OR3A2: variants seen among roughly 807,000 people sequenced by gnomAD.
The protein encoded by OR3A2 is olfactory receptor family 3 subfamily A member 2.
For synonymous variants in OR3A2, 126 were observed against 159.3 expected (o/e 0.79, Z 1.57); for missense variants, 318 against 392.8 (o/e 0.81, Z 1.61).
intron 2 of OR3A2, among the ~76,000 whole-genome samples, chr17:3,341,169 T>A (rs1188985700): frequency 2.0e-5 from 3 of 152,220 alleles, no homozygotes; most frequent in Admixed American, 6.5e-5. Context: ...TCTCTGCCCA[T>A]GAGATGGGTC....
intron 3 of OR3A2, among the ~76,000 whole-genome samples, chr17:3,299,563 G>A (rs1475635652): frequency 2.0e-5 from 3 of 152,138 alleles, no homozygotes; most frequent in Non-Finnish European, 4.4e-5. Context: ...GTTAATGAAC[G>A]GCGAATGTGG....
intron 2 of OR3A2, among the ~76,000 whole-genome samples, chr17:3,371,043 G>A (rs1342157372): frequency 3.9e-5 from 6 of 151,902 alleles, no homozygotes; most frequent in Non-Finnish European, 5.9e-5. Context: ...GCAACCATCC[G>A]ATTTCTCAAT....
upstream of OR3A2, among the ~76,000 whole-genome samples, chr17:3,286,798 C>G (rs2048817231): frequency 6.6e-6 from 1 of 152,052 alleles, no homozygotes. Flanking sequence ...TGTTTAAGTT[C>G]TTTGTAGATT....
At chr17:3,349,633 A>G (rs2049401859) in intron 2 of OR3A2, among the ~76,000 whole-genome samples, 1 of 152,030 alleles carries the variant, frequency 6.6e-6, no homozygotes, top group Admixed American at 6.6e-5. Flanking sequence ...CGAGACAGAA[A>G]GTCAACAAGG....
chr17:3,315,123 T>C (rs1838759032), intron 3 of OR3A2, among the ~76,000 whole-genome samples: 1 of 152,236 alleles, frequency 6.6e-6, no homozygotes, highest in South Asian at 2.1e-4. Context: ...GTCTTTGCTA[T>C]TGTGAATAGC....
intron 1 of OR3A2, chr17:3,383,928 A>G: frequency 7.1e-6 from 1 of 141,458 alleles, no homozygotes. Context: ...TATTGAATAA[A>G]TATTGTATAC....
chr17:3,375,916 T>A (rs1002135862), intron 2 of OR3A2, among the ~76,000 whole-genome samples: 14 of 152,188 alleles, frequency 9.2e-5, no homozygotes, highest in Admixed American at 7.2e-4. Context: ...GGGCTGGTGC[T>A]GGGGAATGTC....
At chr17:3,290,219 T>C (rs1163278805) in intron 3 of OR3A2, among the ~76,000 whole-genome samples, 3 of 152,168 alleles carry the variant, frequency 2.0e-5, no homozygotes, top group South Asian at 4.1e-4. Context: ...CTGGAAAACA[T>C]AGAATGGGAA....
chr17:3,363,370 T>C (rs1284646931), intron 2 of OR3A2, among the ~76,000 whole-genome samples: 2 of 151,902 alleles, frequency 1.3e-5, no homozygotes, highest in East Asian at 1.9e-4. Flanking sequence ...TTCCACAGAT[T>C]TCTAGGGCAG....
downstream of OR3A2, among the ~76,000 whole-genome samples, chr17:3,276,126 A>G (rs981169269): frequency 6.7e-6 from 1 of 148,326 alleles, no homozygotes; most frequent in Non-Finnish European, 1.5e-5. Flanking sequence ...GAAAAAAAAA[A>G]GAATATTCAT....
chr17:3,344,244 C>T (rs1354372091), intron 2 of OR3A2, among the ~76,000 whole-genome samples: 1 of 152,098 alleles, frequency 6.6e-6, no homozygotes, highest in Non-Finnish European at 1.5e-5. Flanking sequence ...AGCTAAAAAG[C>T]CTGCTTCCAC....
intron 3 of OR3A2, among the ~76,000 whole-genome samples, chr17:3,313,757 C>A (rs190576275): frequency 6.6e-6 from 1 of 152,344 alleles, no homozygotes; most frequent in East Asian, 1.9e-4. Context: ...CCTCCAGCTT[C>A]TTTTATTCTT....
chr17:3,295,570 A>G (rs186620697), intron 3 of OR3A2, among the ~76,000 whole-genome samples: 1 of 152,240 alleles, frequency 6.6e-6, no homozygotes, highest in East Asian at 1.9e-4. Flanking sequence ...ATAACATAAC[A>G]GAACAAAATT....
At chr17:3,299,888 G>T (rs1325022590) in intron 3 of OR3A2, among the ~76,000 whole-genome samples, 1 of 152,104 alleles carries the variant, frequency 6.6e-6, no homozygotes, top group Non-Finnish European at 1.5e-5. Flanking sequence ...CTTGGTAGGG[G>T]ATCAACAAAT....
At chr17:3,342,636 G>C (rs972558542) in intron 2 of OR3A2, among the ~76,000 whole-genome samples, 1 of 152,148 alleles carries the variant, frequency 6.6e-6, no homozygotes, top group Non-Finnish European at 1.5e-5. Flanking sequence ...ATTGCTGCCC[G>C]ATCCTTCCTC....
chr17:3,352,115 T>G (rs985409470), intron 2 of OR3A2, among the ~76,000 whole-genome samples: 2 of 152,020 alleles, frequency 1.3e-5, no homozygotes, highest in Non-Finnish European at 2.9e-5. Flanking sequence ...ATTTTTTTCC[T>G]ATAGAGTTGC....
At chr17:3,360,923 A>C (rs1280358436) in intron 2 of OR3A2, among the ~76,000 whole-genome samples, 1 of 151,586 alleles carries the variant, frequency 6.6e-6, no homozygotes, top group Non-Finnish European at 1.5e-5. Flanking sequence ...CTCCATATGA[A>C]CTTTAAAGTA....
chr17:3,315,023 CT>C (rs1199361656), intron 3 of OR3A2, among the ~76,000 whole-genome samples: 3 of 152,158 alleles, frequency 2.0e-5, no homozygotes, highest in Non-Finnish European at 4.4e-5. Context: ...TATTTCATTC[CT>C]TTTTATGGCT....
At chr17:3,315,325 T>C (rs73305901) in intron 3 of OR3A2, among the ~76,000 whole-genome samples, 2,382 of 152,328 alleles carry the variant, frequency 0.016, 61 homozygotes, top group African/African-American at 0.054. Context: ...GCGTTCTCTT[T>C]TCTCTGCAGC....
Sources: gnomAD v4.1 joint callset for allele counts (sites outside exome capture counted in the v4.1 genomes callset) on GRCh38, gnomAD v4.1.1 for gene constraint, MANE v1.5 for transcripts, NCBI Gene and HGNC (gene_info 2026-07-23, HGNC 2026-07-21) for gene names.